ABCC4: variants seen among roughly 807,000 people sequenced by gnomAD.
The protein encoded by ABCC4 is ATP-binding cassette sub-family C member 4.
A neutral mutation model predicts 168.5 loss-of-function variants in ABCC4; 102 were observed. The observed-to-expected ratio is 0.61, with a 90% CI of 0.52 to 0.71. ABCC4 has a LOEUF of 0.71. Ranked by LOEUF, ABCC4 falls within the 30% of genes least tolerant of loss-of-function variation. ABCC4 has a pLI of 0.00. For missense variants in ABCC4, 1,402 were observed against 1,605.8 expected (o/e 0.87, Z 2.17); for synonymous variants, 617 against 590.7 (o/e 1.04, Z -0.65).
chr13:95,163,003 C>G, intron 18 of ABCC4, 119 bp downstream of exon 18: 2 of 704,776 alleles, frequency 2.8e-6, no homozygotes, highest in Non-Finnish European at 5.0e-6. Flanking sequence ...GTAAATTCGA[C>G]TGAGACTCCT....
At chr13:95,104,562 C>T (rs1418448285) in intron 20 of ABCC4, among the ~76,000 whole-genome samples, 1 of 152,240 alleles carries the variant, frequency 6.6e-6, no homozygotes, top group South Asian at 2.1e-4. Flanking sequence ...CTCATCCACA[C>T]ATAATTTGTT....
chr13:95,145,586 T>C (rs2036464914), intron 19 of ABCC4, among the ~76,000 whole-genome samples: 1 of 145,214 alleles, frequency 6.9e-6, no homozygotes, highest in East Asian at 2.0e-4. Context: ...ATCTTGCCAC[T>C]GCACTGGACA....
intron 29 of ABCC4, among the ~76,000 whole-genome samples, chr13:95,040,143 T>C (rs7330330): frequency 0.07 from 10,649 of 152,206 alleles, 517 homozygotes; most frequent in East Asian, 0.27. Context: ...ATGATTCTTC[T>C]CACCTGGGGA....
chr13:95,301,014 C>A (rs1311786237), intron 1 of ABCC4, among the ~76,000 whole-genome samples: 2 of 152,232 alleles, frequency 1.3e-5, no homozygotes, highest in East Asian at 3.9e-4. Context: ...CCCCGCGTCC[C>A]CGCGTCCCCC....
In ABCC4 at chr13:95,223,130, TG is replaced by T. The variant is rs377654366; in HGVS notation, c.531+11479del. ...AAACACCTGAAAATTTCCAAAGTTC[TG>T]CCCTAACAAAGCATAAAAAACAGGC... On this transcript the variant is annotated intron_variant, in intron 4 of 30. Transcript: ENST00000645237. Among the ~76,000 whole-genome samples the T allele has an allele frequency of 1.8e-3, 272 of 152,326 alleles. 2 individuals carry two copies. Among genetic ancestry groups the T allele is most frequent in the African/African-American group, 6.2e-3 (256 of 41,570 alleles).
chr13:95,071,133 G>A (rs1271947797), intron 25 of ABCC4, among the ~76,000 whole-genome samples: 1 of 152,092 alleles, frequency 6.6e-6, no homozygotes, highest in Non-Finnish European at 1.5e-5. Context: ...CTCCTTGCCT[G>A]CCATCATGAG....
At chr13:95,172,901 A>C (rs2037528459) in intron 13 of ABCC4, among the ~76,000 whole-genome samples, 1 of 152,212 alleles carries the variant, frequency 6.6e-6, no homozygotes, top group Non-Finnish European at 1.5e-5. Flanking sequence ...CCTGGGTGAC[A>C]GGGCAAAACT....
intron 1 of ABCC4, among the ~76,000 whole-genome samples, chr13:95,298,790 G>A (rs943317654): frequency 3.3e-5 from 5 of 152,132 alleles, no homozygotes; most frequent in Non-Finnish European, 7.4e-5. Context: ...CTTGATTGTT[G>A]TGTGAGTCCA....
chr13:95,165,072 T>C (rs1406143275), intron 15 of ABCC4, among the ~76,000 whole-genome samples: 1 of 152,136 alleles, frequency 6.6e-6, no homozygotes, highest in East Asian at 1.9e-4. Flanking sequence ...ATTTGGACAT[T>C]GTGGCGTGGC....
At chr13:95,112,655 G>C (rs2035245122) in intron 20 of ABCC4, among the ~76,000 whole-genome samples, 4 of 152,142 alleles carry the variant, frequency 2.6e-5, no homozygotes, top group Non-Finnish European at 5.9e-5. Context: ...ATAACACCAA[G>C]GGTAACATCT....
chr13:95,094,968 G>A (rs991166832), intron 20 of ABCC4, among the ~76,000 whole-genome samples: 2 of 152,140 alleles, frequency 1.3e-5, no homozygotes, highest in African/African-American at 2.4e-5. Flanking sequence ...CTGCAAGAAT[G>A]GCCATAATAA....
In ABCC4 at chr13:95,186,800, G is replaced by A. The variant is rs1164494693; in HGVS notation, c.1446C>T (p.Pro482=). 10 of 1,613,966 alleles carry A rather than the reference G, an allele frequency of 6.2e-6. No individual in the cohort carries two copies. The highest frequency in any genetic ancestry group is 7.6e-6 in the Non-Finnish European group (9 of 1,180,018). ...HGRIAYVSQQ[P]WVFSGTLRSN... is the part of the protein sequence containing the mutation. The stretch of plus-strand genomic sequence containing the variant: ...TCCTCAGAGTTCCCGAGAACACCCA[G>A]GGCTGCTGAGACACATAGGCAATTC... The change falls in exon 11 of 31, where the codon CCC becomes CCT. Residue 482 remains proline, a synonymous_variant. Coordinates refer to ENST00000645237, the MANE Select transcript of ABCC4 (RefSeq NM_005845.5).
intron 17 of ABCC4, 25 bp from the exon 18 acceptor site, chr13:95,163,241 T>C (rs764694568): frequency 1.4e-6 from 2 of 1,417,060 alleles, no homozygotes; most frequent in South Asian, 2.4e-5. Context: ...GAGAAAAAAA[T>C]ATTAAGCTAT....
chr13:95,041,987 T>G (rs1173754474), intron 29 of ABCC4, among the ~76,000 whole-genome samples: 1 of 152,202 alleles, frequency 6.6e-6, no homozygotes, highest in African/African-American at 2.4e-5. Flanking sequence ...TACCTCCTGG[T>G]AGGACCTCCT....
At chr13:95,061,676 A>AG in intron 26 of ABCC4, among the ~76,000 whole-genome samples, 1 of 150,802 alleles carries the variant, frequency 6.6e-6, no homozygotes, top group East Asian at 2.0e-4. Context: ...TGTTAAAAAA[A>AG]AAAAAAACCC....
At chr13:95,057,087 T>C (rs1045769963) in intron 26 of ABCC4, among the ~76,000 whole-genome samples, 9 of 152,346 alleles carry the variant, frequency 5.9e-5, no homozygotes, top group African/African-American at 2.2e-4. Flanking sequence ...GTGTTCTCCT[T>C]GGGAAGTGCA....
intron 1 of ABCC4, among the ~76,000 whole-genome samples, chr13:95,261,280 C>G (rs907741997): frequency 1.3e-5 from 2 of 151,930 alleles, no homozygotes; most frequent in African/African-American, 4.8e-5. Flanking sequence ...GAAACCCCGT[C>G]TCTACTAAAA....
At chr13:95,159,201 C>A (rs1170491731) in intron 19 of ABCC4, among the ~76,000 whole-genome samples, 2 of 144,160 alleles carry the variant, frequency 1.4e-5, no homozygotes, top group African/African-American at 5.0e-5. Flanking sequence ...GTGTATCCTT[C>A]ACCATTGTAA....
chr13:95,153,005 T>C (rs1358655799), intron 19 of ABCC4, among the ~76,000 whole-genome samples: 3 of 152,282 alleles, frequency 2.0e-5, no homozygotes, highest in Non-Finnish European at 4.4e-5. Context: ...TTATACATAT[T>C]AGGCTCTCAG....
Sources: gnomAD v4.1 joint callset for allele counts (sites outside exome capture counted in the v4.1 genomes callset) on GRCh38, gnomAD v4.1.1 for gene constraint, MANE v1.5 for transcripts, NCBI Gene and HGNC (gene_info 2026-07-23, HGNC 2026-07-21) for gene names.